Variants in NRG1 observed in about 807,000 individuals in gnomAD.
NRG1 encodes neuregulin 1.
A neutral mutation model predicts 63.8 loss-of-function variants in NRG1; 18 were observed. The observed-to-expected ratio is 0.28, with a 90% CI of 0.19 to 0.42. The LOEUF is 0.42. Among genes scored for constraint, NRG1 ranks in the 10% least tolerant of loss-of-function variants. NRG1 has a pLI of 1.00. For missense variants in NRG1, 762 were observed against 814.7 expected (o/e 0.94, Z 0.79); for synonymous variants, 302 against 301.3 (o/e 1.00, Z -0.02).
chr8:31,963,949 G>A (rs377388243), intron 1 of NRG1, among the ~76,000 whole-genome samples: 6 of 152,166 alleles, frequency 3.9e-5, no homozygotes, highest in East Asian at 3.9e-4. Context: ...GTTGGTAACA[G>A]GTAGAAAATG....
At chr8:32,440,866 C>T (rs888624427) in intron 1 of NRG1, 2 of 152,068 alleles carry the variant, frequency 1.3e-5, no homozygotes, top group African/African-American at 4.8e-5. Context: ...GAAGATATTA[C>T]GTATATTCAG....
intron 1 of NRG1, among the ~76,000 whole-genome samples, chr8:32,374,746 A>T (rs1385224407): frequency 3.9e-5 from 6 of 152,154 alleles, no homozygotes; most frequent in Admixed American, 1.3e-4. Context: ...AATTATGTTT[A>T]TTGAATGGTT....
intron 1 of NRG1, among the ~76,000 whole-genome samples, chr8:31,751,898 T>G (rs2131462370): frequency 6.6e-6 from 1 of 152,110 alleles, no homozygotes; most frequent in South Asian, 2.1e-4. Flanking sequence ...CTCAAAGACC[T>G]GAGTTTTATG....
At chr8:31,663,848 G>A (rs536682711) in intron 1 of NRG1, among the ~76,000 whole-genome samples, 1 of 152,128 alleles carries the variant, frequency 6.6e-6, no homozygotes, top group East Asian at 1.9e-4. Context: ...AGGGGAGGAG[G>A]GTGCTGCAGT....
At position 31,640,537 on chromosome 8, in the gene NRG1, C is replaced by T. The variant is rs1481467571; in HGVS notation, c.37+1106C>T. On this transcript the variant is annotated intron_variant, in intron 1 of 10. Transcript: ENST00000519301. The surrounding 1 kb of genome is among the most constrained non-coding windows in gnomAD (Gnocchi z 6.3). ...GAAGGACTCGCTGCTCACCGTGCGC[C>T]TGGGGACCTGGGGCCACCCCGCCTT... 1 of 1,611,782 alleles carries T rather than the reference C, an allele frequency of 6.2e-7. No homozygotes were observed. The highest frequency in any genetic ancestry group is 1.1e-5 in the South Asian group (1 of 90,976).
At chr8:32,720,773 G>A (rs1244045168) in intron 5 of NRG1, among the ~76,000 whole-genome samples, 1 of 151,876 alleles carries the variant, frequency 6.6e-6, no homozygotes, top group African/African-American at 2.4e-5. Context: ...AGGATGATTA[G>A]ACTGTGCCAT....
intron 1 of NRG1, among the ~76,000 whole-genome samples, chr8:31,976,333 T>C (rs1304792776): frequency 1.3e-5 from 2 of 152,116 alleles, no homozygotes; most frequent in East Asian, 3.9e-4. Flanking sequence ...GGGTCTCCCT[T>C]CATCTTTGTA....
Position 32,644,556 on chromosome 8 carries a change from G to GA in NRG1, c.502+27678dup, listed in dbSNP as rs1329042360. On this transcript the variant is annotated intron_variant, in intron 5 of 11. Transcript: ENST00000356819. ...TTTACATTCTTTTTCCAATTTGGCGGAAAAAAAGCAATGTTATAGGAAGCT... is the reference window on the plus strand; with the variant it reads ...TTTACATTCTTTTTCCAATTTGGCGGAAAAAAAAGCAATGTTATAGGAAGCT... Among the ~76,000 whole-genome samples, 5 of 152,094 alleles carry GA rather than the reference G, an allele frequency of 3.3e-5. No homozygotes were observed. The East Asian group carries it at 5.8e-4, about 18-fold the overall frequency.
intron 1 of NRG1, among the ~76,000 whole-genome samples, chr8:32,358,409 C>T (rs1806759444): frequency 6.7e-6 from 1 of 149,836 alleles, no homozygotes; most frequent in African/African-American, 2.5e-5. Flanking sequence ...AGTGGTTCTC[C>T]TCTCTGTTAT....
intron 1 of NRG1, among the ~76,000 whole-genome samples, chr8:32,190,574 A>G (rs1842394657): frequency 6.6e-6 from 1 of 152,204 alleles, no homozygotes; most frequent in Non-Finnish European, 1.5e-5. Context: ...TCAAACTCCT[A>G]TAAAATTTCA....
chr8:32,194,026 TG>T (rs1317111252), intron 1 of NRG1, among the ~76,000 whole-genome samples: 1 of 152,242 alleles, frequency 6.6e-6, no homozygotes, highest in Non-Finnish European at 1.5e-5. Flanking sequence ...ACCCCATTCA[TG>T]GGACTTTGTT....
At chr8:31,805,989 C>A (rs1822245279) in intron 1 of NRG1, among the ~76,000 whole-genome samples, 1 of 152,102 alleles carries the variant, frequency 6.6e-6, no homozygotes, top group Non-Finnish European at 1.5e-5. Flanking sequence ...TAATGCCCAT[C>A]AATCATTGCC....
intron 1 of NRG1, among the ~76,000 whole-genome samples, chr8:32,509,340 C>T (rs1052555600): frequency 3.3e-5 from 5 of 152,066 alleles, no homozygotes; most frequent in Non-Finnish European, 7.4e-5. Context: ...ATGAACCTCC[C>T]ACCTGGGCCT....
At chr8:32,389,178 G>A (rs190264964) in intron 1 of NRG1, among the ~76,000 whole-genome samples, 1 of 152,252 alleles carries the variant, frequency 6.6e-6, no homozygotes, top group East Asian at 1.9e-4. Flanking sequence ...CAGGTCCCAG[G>A]GGGAGCTGCG....
chr8:31,951,211 G>A (rs1474953907), intron 1 of NRG1, among the ~76,000 whole-genome samples: 3 of 152,144 alleles, frequency 2.0e-5, no homozygotes, highest in Non-Finnish European at 4.4e-5. Flanking sequence ...TTTACCTTGT[G>A]CCCTTTATCC....
At chr8:32,749,555 T>G (rs1828267905) in intron 7 of NRG1, 2 of 1,613,744 alleles carry the variant, frequency 1.2e-6, no homozygotes, top group Non-Finnish European at 1.7e-6. Flanking sequence ...CTTTCTGCAT[T>G]GGCAGAGCAT....
At chr8:32,750,919 C>G (rs963781862) in intron 7 of NRG1, 2 of 151,998 alleles carry the variant, frequency 1.3e-5, no homozygotes, top group African/African-American at 2.4e-5. Context: ...AATTGTCCCA[C>G]TTATGAAATG....
intron 3 of NRG1, among the ~76,000 whole-genome samples, chr8:32,609,867 C>T (rs191977743): frequency 3.5e-4 from 53 of 151,686 alleles, no homozygotes; most frequent in Non-Finnish European, 5.6e-4. Flanking sequence ...GACAAGGTTT[C>T]GCCATGTTGG....
intron 1 of NRG1, among the ~76,000 whole-genome samples, chr8:31,660,820 A>G (rs1254904406): frequency 1.3e-5 from 2 of 152,192 alleles, no homozygotes; most frequent in Non-Finnish European, 2.9e-5. Context: ...AGGCTTTCCT[A>G]TATACTGTTG....
Sources: allele counts gnomAD v4.1 joint callset (sites outside exome capture counted in the v4.1 genomes callset), GRCh38; gene constraint gnomAD v4.1.1; non-coding constraint Gnocchi (gnomAD v3.1); transcripts MANE v1.5; gene names NCBI Gene and HGNC (gene_info 2026-07-23, HGNC 2026-07-21).